The following FIS1 variants were observed in gnomAD, a reference collection of about 807,000 sequenced individuals.
FIS1 encodes mitochondrial fission 1 protein.
A neutral mutation model predicts 21.6 loss-of-function variants in FIS1; 16 were observed. That is an observed-to-expected ratio of 0.74 (90% CI 0.50 to 1.12). The LOEUF is 1.12. Ranked by LOEUF, FIS1 falls within the 50% of genes most tolerant of loss-of-function variation. FIS1 has a pLI of 0.00. For missense variants in FIS1, 198 were observed against 190.9 expected, an observed-to-expected ratio of 1.04 and a Z score of -0.22; for synonymous variants, 92 against 82.2, an observed-to-expected ratio of 1.12 and a Z score of -0.65.
intron 1 of FIS1, chr7:101,244,429 G>A (rs1038113078): frequency 2.4e-6 from 1 of 417,550 alleles, no homozygotes; most frequent in Non-Finnish European, 4.4e-6. Flanking sequence ...CCCGGCGGCC[G>A]AACAGTAAAC....
chr7:101,240,261 A>T lies in FIS1; in HGVS notation c.256-14T>A. The T allele has an allele frequency of 6.2e-7, 1 of 1,612,714 alleles. No individual in the cohort carries two copies. Among genetic ancestry groups the T allele is most frequent in the African/African-American group, 1.3e-5 (1 of 75,024 alleles). ...CTTCTCGTATTCCTGCGCTCGGGGAAACGCGCACGCGTCATACACACCGCA... is the reference window on the plus strand; with the variant it reads ...CTTCTCGTATTCCTGCGCTCGGGGATACGCGCACGCGTCATACACACCGCA... On this transcript the variant is annotated splice_polypyrimidine_tract_variant and intron_variant, in intron 3 of 4. Coordinates refer to ENST00000223136, the MANE Select transcript of FIS1 (RefSeq NM_016068.3).
Position 101,239,494 on chromosome 7 carries a change from G to T in FIS1, c.*312C>A. 1 of 448,362 alleles carries T rather than the reference G, an allele frequency of 2.2e-6. No individual in the cohort carries two copies. 27.8% of individuals were successfully genotyped at this position (448,362 alleles called of 1,614,324 possible). On this transcript the variant is annotated 3_prime_UTR_variant, in exon 5 of 5. Transcript: ENST00000223136. Reference sequence around the variant, plus strand: ...GGGTGTGGGCTCTGGGCTGCGGGGTGGACAAAGAACCCCGTGCCAACCTGG... The same window carrying T: ...GGGTGTGGGCTCTGGGCTGCGGGGTTGACAAAGAACCCCGTGCCAACCTGG...
In FIS1 at chr7:101,245,066, G is replaced by T. The variant is rs979671430; in HGVS notation, c.-62C>A. 3.8e-6 allele frequency: 6 copies of T among 1,564,260 alleles called. No individual in the cohort carries two copies. Among genetic ancestry groups the T allele is most frequent in the South Asian group, 1.2e-5 (1 of 86,046 alleles). ...TGTGCCACAGTCTCCATGGCCCAGT[G>T]GCAGGGGCGGAGAACCACTTCCGGC... On this transcript the variant is annotated 5_prime_UTR_variant, in exon 1 of 5. Transcript: ENST00000223136.
At chr7:101,240,482 T>TC (rs1263473966) in intron 3 of FIS1, among the ~76,000 whole-genome samples, 1 of 151,726 alleles carries the variant, frequency 6.6e-6, no homozygotes, top group Non-Finnish European at 1.5e-5. Flanking sequence ...TATCCACCAC[T>TC]CCCCCTGCCC....
rs1312944479 is a variant in FIS1 at position 101,239,885 on chromosome 7, G to A, written c.380C>T (p.Ala127Val). ...AMKKDGLVGM[A>V]IVGGMALGVA... ...ACCCAGGGCCATGCCTCCCACGATG[G>A]CCATGCCCACGAGTCCATCTGGGGA... Residue 127 changes from alanine (A) to valine (V), a missense_variant, in exon 5 of 5, where the codon GCC (alanine) becomes GTC (valine). Physicochemically the swap from Ala to Val is moderately conservative, Grantham distance 64. Coordinates refer to ENST00000223136, the MANE Select transcript of FIS1 (RefSeq NM_016068.3). 1 of 1,607,370 alleles carries A rather than the reference G, an allele frequency of 6.2e-7. No homozygotes were observed. Among genetic ancestry groups the A allele is most frequent in the Non-Finnish European group, 8.5e-7 (1 of 1,176,972 alleles).
At chr7:101,242,717 G>A (rs1271204502) in intron 2 of FIS1, among the ~76,000 whole-genome samples, 2 of 151,862 alleles carry the variant, frequency 1.3e-5, no homozygotes, top group Non-Finnish European at 2.9e-5. Flanking sequence ...TCGAACCCCT[G>A]ACCTCGTGAT....
intron 3 of FIS1, 37 bp from the exon 4 acceptor site, chr7:101,240,284 G>A (rs1273479365): frequency 7.5e-6 from 12 of 1,592,470 alleles, no homozygotes; most frequent in Admixed American, 5.0e-5. Context: ...CATACACACC[G>A]CAGTGTTTTT....
chr7:101,244,654 C>T, intron 1 of FIS1: 1 of 516,924 alleles, frequency 1.9e-6, no homozygotes, highest in Non-Finnish European at 3.5e-6. Context: ...CTGTATTCCT[C>T]CACCGCTGGA....
intron 1 of FIS1, 41 bp from the exon 2 acceptor site, chr7:101,244,180 CGT>C: frequency 6.3e-7 from 1 of 1,596,616 alleles, no homozygotes; most frequent in South Asian, 1.1e-5. Context: ...AAATGTAGGG[CGT>C]CAACCATTCT....
intron 2 of FIS1, among the ~76,000 whole-genome samples, chr7:101,241,369 C>T (rs1428603821): frequency 3.3e-5 from 5 of 151,954 alleles, no homozygotes; most frequent in Middle Eastern, 3.2e-3. Flanking sequence ...TACAGGTGCC[C>T]GCCACCACGC....
Position 101,240,207 on chromosome 7 carries a change from T to A in FIS1, c.296A>T (p.Gln99Leu). The A allele has an allele frequency of 6.2e-7, 1 of 1,614,246 alleles. No individual in the cohort carries two copies. The highest frequency in any genetic ancestry group is 8.5e-7 in the Non-Finnish European group (1 of 1,180,038). ...KALKYVRGLLQTEPQNNQAKE... is the reference protein window; with the variant it reads ...KALKYVRGLLLTEPQNNQAKE... ...GGCCTGGTTGTTCTGGGGCTCTGTC[T>A]GCAGCAACCCGCGGACGTACTTTAA... Residue 99 changes from glutamine to leucine, a missense_variant, in exon 4 of 5, where the codon CAG becomes CTG. By Grantham distance (113) the Gln-to-Leu change is moderately radical (BLOSUM62 -2). Transcript: ENST00000223136.
chr7:101,244,494 C>T (rs1798787943), intron 1 of FIS1: 1 of 340,412 alleles, frequency 2.9e-6, no homozygotes, highest in Non-Finnish European at 5.5e-6. Flanking sequence ...GCTGCTGGCC[C>T]CATCCTGCCC....
rs535465462 is a variant in FIS1, at chr7:101,239,958, G to A, written c.362-55C>T. 1.2e-4 allele frequency: 182 copies of A among 1,501,920 alleles called. 1 individual carries two copies. The South Asian group carries it at 2.1e-3, about 17-fold the overall frequency. 93.0% of individuals were successfully genotyped at this position (1,501,920 alleles called of 1,614,324 possible). A position where few individuals can be genotyped will look rare whatever the true frequency, so the allele number is the denominator to read the frequency against. On this transcript the variant is annotated intron_variant, in intron 4 of 4. Coordinates refer to ENST00000223136, the MANE Select transcript of FIS1 (RefSeq NM_016068.3). ...CCCGGCCCCTGCGGAAACCCTGACCGTCCCCTTCCGCCAGCCCTGCCCCTC... is the reference window on the plus strand; with the variant it reads ...CCCGGCCCCTGCGGAAACCCTGACCATCCCCTTCCGCCAGCCCTGCCCCTC...
rs1443252051 is a variant in FIS1 at position 101,244,622 on chromosome 7, AG to A, written c.45+337del. On this transcript the variant is annotated intron_variant, in intron 1 of 4. Coordinates refer to ENST00000223136, the MANE Select transcript of FIS1 (RefSeq NM_016068.3). ...TTAGCACCGTGCCGGACGCAGTAATAGGTGACACCTTATGATGGTCACTGTA... is the reference window on the plus strand; with the variant it reads ...TTAGCACCGTGCCGGACGCAGTAATAGTGACACCTTATGATGGTCACTGTA... 9 of 442,764 alleles carry A rather than the reference AG, an allele frequency of 2.0e-5. No homozygotes were observed. The Admixed American group carries it at 2.6e-4, about 13-fold the overall frequency. The allele number at this position is 442,764 out of a possible 1,614,324, so 27.4% of individuals were successfully genotyped here. A position where few individuals can be genotyped will look rare whatever the true frequency, so the allele number is the denominator to read the frequency against.
At chr7:101,244,333 G>C (rs1296201125) in intron 1 of FIS1, among the ~76,000 whole-genome samples, 194 bp from the exon 2 acceptor site, 2 of 152,174 alleles carry the variant, frequency 1.3e-5, no homozygotes, top group African/African-American at 4.8e-5. Context: ...TTGGGACAGA[G>C]GCCCCCGGTC....
intron 2 of FIS1, among the ~76,000 whole-genome samples, chr7:101,241,393 G>A (rs1177723049): frequency 6.6e-6 from 1 of 151,922 alleles, no homozygotes; most frequent in Non-Finnish European, 1.5e-5. Flanking sequence ...GCTAATTTTT[G>A]TATTTTCAGT....
intron 2 of FIS1, 83 bp downstream of exon 2, chr7:101,243,923 AC>A: frequency 6.7e-7 from 1 of 1,497,844 alleles, no homozygotes; most frequent in Non-Finnish European, 9.0e-7. Context: ...TCTACCGGAG[AC>A]AACTCAGAGG....
chr7:101,243,144 A>G (rs1310667623), intron 2 of FIS1, among the ~76,000 whole-genome samples: 1 of 152,180 alleles, frequency 6.6e-6, no homozygotes, highest in Non-Finnish European at 1.5e-5. Flanking sequence ...CTACAGAGGG[A>G]TGGCTGTACA....
At chr7:101,240,276 T>C in intron 3 of FIS1, 29 bp from the exon 4 acceptor site, 1 of 1,602,826 alleles carries the variant, frequency 6.2e-7, no homozygotes, top group Non-Finnish European at 8.5e-7. Flanking sequence ...GCACGCGTCA[T>C]ACACACCGCA....
Sources: gnomAD v4.1 joint callset for allele counts (sites outside exome capture counted in the v4.1 genomes callset) on GRCh38, gnomAD v4.1.1 for gene constraint, MANE v1.5 for transcripts, NCBI Gene and HGNC (gene_info 2026-07-23, HGNC 2026-07-21) for gene names.